Variants in AKT3 observed in about 807,000 individuals in gnomAD.
AKT3 encodes the protein AKT serine/threonine kinase 3, also known as RAC-gamma serine/threonine-protein kinase.
In AKT3, 15 loss-of-function variants were observed where a neutral mutation model predicts 65.3. The ratio of observed to expected loss-of-function variants is 0.23; its 90% confidence interval spans 0.15 to 0.35. The LOEUF (loss-of-function observed/expected upper bound fraction) is 0.35. AKT3 is among the 10% of genes least tolerant of loss of function. The pLI, the probability that AKT3 is intolerant of heterozygous loss-of-function variation, is 1.00. For synonymous variants in AKT3, 206 were observed against 183.8 expected (o/e 1.12, Z -0.98); for missense variants, 243 against 576.5 (o/e 0.42, Z 5.92).
chr1:243,783,350 T>C (rs1337455493), intron 2 of AKT3, among the ~76,000 whole-genome samples: 1 of 152,202 alleles, frequency 6.6e-6, no homozygotes, highest in African/African-American at 2.4e-5. Context: ...GCCAAAACCA[T>C]GGGGCTTGAA....
intron 6 of AKT3, among the ~76,000 whole-genome samples, chr1:243,626,726 T>C (rs927669509): frequency 6.6e-6 from 1 of 152,294 alleles, no homozygotes; most frequent in South Asian, 2.1e-4. Context: ...AGGCAATAAC[T>C]AGAAAGACAG....
At chr1:243,527,593 C>T (rs1671196967) in intron 12 of AKT3, among the ~76,000 whole-genome samples, 1 of 152,042 alleles carries the variant, frequency 6.6e-6, no homozygotes, top group Admixed American at 6.6e-5. Flanking sequence ...CAATCGGTAC[C>T]TCTTTATAGG....
intron 8 of AKT3, chr1:243,612,882 T>C (rs2148601676): frequency 6.6e-6 from 1 of 151,250 alleles, no homozygotes; most frequent in African/African-American, 2.4e-5. Context: ...CTACTAAAAA[T>C]ACAAAAATTA....
chr1:243,646,904 T>C (rs1680865395), intron 4 of AKT3, among the ~76,000 whole-genome samples: 1 of 152,202 alleles, frequency 6.6e-6, no homozygotes. Context: ...ATATCAAGCA[T>C]TTATTTTTTG....
At chr1:243,743,846 T>C (rs1177848690) in intron 2 of AKT3, among the ~76,000 whole-genome samples, 2 of 152,178 alleles carry the variant, frequency 1.3e-5, no homozygotes, top group African/African-American at 2.4e-5. Context: ...GGCCCATCTC[T>C]ACCAACAATA....
At chr1:243,842,457 G>A (rs1359436733) in intron 2 of AKT3, among the ~76,000 whole-genome samples, 5 of 152,080 alleles carry the variant, frequency 3.3e-5, no homozygotes, top group Admixed American at 6.5e-5. Context: ...ATGATAAACC[G>A]CTTTACATCG....
At chr1:243,827,544 T>C (rs979693515) in intron 2 of AKT3, among the ~76,000 whole-genome samples, 4 of 152,162 alleles carry the variant, frequency 2.6e-5, no homozygotes, top group East Asian at 3.8e-4. Context: ...GAATTTTAGA[T>C]GGAAATGTCT....
chr1:243,490,823 C>A (rs764058043), intron 13 of AKT3, among the ~76,000 whole-genome samples: 4 of 152,204 alleles, frequency 2.6e-5, no homozygotes, highest in Non-Finnish European at 4.4e-5. Flanking sequence ...TCAGGATGAC[C>A]CCCTCATCCT....
intron 10 of AKT3, among the ~76,000 whole-genome samples, chr1:243,558,609 T>C (rs1673565801): frequency 6.6e-6 from 1 of 152,094 alleles, no homozygotes; most frequent in African/African-American, 2.4e-5. Flanking sequence ...CACAGCTAGA[T>C]ATATTTCCCA....
chr1:243,770,602 T>C (rs747888434), intron 2 of AKT3, among the ~76,000 whole-genome samples: 4 of 152,072 alleles, frequency 2.6e-5, no homozygotes, highest in African/African-American at 7.2e-5. Context: ...CAAAAAGCCT[T>C]ACAACCAAAA....
intron 2 of AKT3, among the ~76,000 whole-genome samples, chr1:243,708,826 A>G (rs1685969984): frequency 6.6e-6 from 1 of 152,004 alleles, no homozygotes; most frequent in Non-Finnish European, 1.5e-5. Context: ...ATTCAGTTCC[A>G]AAGTGTCTTC....
In AKT3 at chr1:243,502,603, G is replaced by T. The variant is rs1363284187; in HGVS notation, c.*2646C>A. 1 of 233,084 alleles carries T rather than the reference G, an allele frequency of 4.3e-6. No homozygotes were observed. The highest frequency in any genetic ancestry group is 8.5e-6 in the Non-Finnish European group (1 of 118,018). The allele number at this position is 233,084 out of a possible 1,614,324, so 14.4% of individuals were successfully genotyped here. A position where few individuals can be genotyped will look rare whatever the true frequency, so the allele number is the denominator to read the frequency against. On this transcript the variant is annotated 3_prime_UTR_variant, in exon 14 of 14. Coordinates refer to ENST00000673466, the MANE Select transcript of AKT3 (RefSeq NM_005465.7). ...TATGGGCGACACAAGGGAAGTTTTA[G>T]AAATCTCCCTCTACACGCATTTCTG...
Position 243,730,932 on chromosome 1 carries a change from T to A in AKT3, c.47-35216A>T, listed in dbSNP as rs992704416. Among the ~76,000 whole-genome samples the A allele has an allele frequency of 1.3e-5, 2 of 152,190 alleles. 1 individual carries two copies. Among genetic ancestry groups the A allele is most frequent in the Admixed American group, 1.3e-4 (2 of 15,284 alleles). On this transcript the variant is annotated intron_variant, in intron 2 of 13. Transcript: ENST00000673466. ...TGCCCCACCACAGCTGGCCGGACCC[T>A]GTGTTAGCTCTCTCACACACCCTTC...
chr1:243,710,962 G>T (rs1416577207), intron 2 of AKT3, among the ~76,000 whole-genome samples: 1 of 152,172 alleles, frequency 6.6e-6, no homozygotes, highest in African/African-American at 2.4e-5. Context: ...GCAGAGAAAA[G>T]TTCAGCTCCA....
chr1:243,831,917 G>T (rs1694542366), intron 2 of AKT3, among the ~76,000 whole-genome samples: 1 of 151,670 alleles, frequency 6.6e-6, no homozygotes, highest in Non-Finnish European at 1.5e-5. Flanking sequence ...GAAATCTCAG[G>T]TACTAATCCT....
chr1:243,513,277 C>T (rs1670137805), intron 12 of AKT3, among the ~76,000 whole-genome samples: 1 of 152,206 alleles, frequency 6.6e-6, no homozygotes, highest in African/African-American at 2.4e-5. Context: ...GTGGAACCCA[C>T]AGGTTCCTTC....
chr1:243,671,488 G>A (rs1436632031), intron 3 of AKT3, among the ~76,000 whole-genome samples: 1 of 152,112 alleles, frequency 6.6e-6, no homozygotes, highest in Non-Finnish European at 1.5e-5. Context: ...ACACCATGGA[G>A]GTTCTCTGAA....
Position 243,686,651 on chromosome 1 carries a change from A to AT in AKT3, c.172+8939dup, listed in dbSNP as rs143487611. On this transcript the variant is annotated intron_variant, in intron 3 of 13. Coordinates refer to ENST00000673466, the MANE Select transcript of AKT3 (RefSeq NM_005465.7). The stretch of plus-strand genomic sequence containing the variant: ...TTTTCATATATATATATATATATAT[A>AT]TTTTTTTTTTTTTTTTTTTTTTTTT... Among the ~76,000 whole-genome samples, 92 of 23,530 alleles carry AT rather than the reference A, an allele frequency of 3.9e-3. 22 individuals carry two copies. The highest frequency in any genetic ancestry group is 5.2e-3 in the Admixed American group (6 of 1,144). 15.4% of individuals were successfully genotyped at this position (23,530 alleles called of 152,430 possible).
At chr1:243,706,153 C>T (rs1685783112) in intron 2 of AKT3, among the ~76,000 whole-genome samples, 1 of 152,104 alleles carries the variant, frequency 6.6e-6, no homozygotes, top group African/African-American at 2.4e-5. Flanking sequence ...CAAGAAACTA[C>T]CACAGAGGTG....
Sources: allele counts gnomAD v4.1 joint callset (sites outside exome capture counted in the v4.1 genomes callset), GRCh38; gene constraint gnomAD v4.1.1; transcripts MANE v1.5; gene names NCBI Gene and HGNC (gene_info 2026-07-23, HGNC 2026-07-21).